The following PBX3 variants were observed in gnomAD, a reference collection of about 807,000 sequenced individuals.
The protein encoded by PBX3 is pre-B-cell leukemia transcription factor 3.
PBX3 carries 14 observed loss-of-function variants against 48.5 expected under a neutral mutation model. The observed-to-expected ratio is 0.29, with a 90% CI of 0.19 to 0.45. The LOEUF is 0.45. Ranked by LOEUF, PBX3 falls within the 20% of genes least tolerant of loss-of-function variation. PBX3 has a pLI of 1.00. For missense variants in PBX3, 386 were observed against 546.7 expected, an observed-to-expected ratio of 0.71 and a Z score of 2.93; for synonymous variants, 210 against 200.3, an observed-to-expected ratio of 1.05 and a Z score of -0.41.
In PBX3 at chr9:125,929,735, T is replaced by G; in HGVS notation, c.597T>G (p.Ile199Met). The G allele has an allele frequency of 6.2e-7, 1 of 1,613,822 alleles. No individual in the cohort carries two copies. Among genetic ancestry groups the G allele is most frequent in the Non-Finnish European group, 8.5e-7 (1 of 1,179,782 alleles). Residue 199 changes from isoleucine (I) to methionine (M), a missense_variant, in exon 4 of 9, where the codon ATT becomes ATG. Transcript: ENST00000373489. ...SRTRPISPKE[I>M]ERMVGIIHRK... Reference sequence around the variant, plus strand: ...CACGTCCCATTTCTCCAAAAGAGATTGAAAGAATGGTGGGCATCATCCATC... The same window carrying G: ...CACGTCCCATTTCTCCAAAAGAGATGGAAAGAATGGTGGGCATCATCCATC...
chr9:125,860,529 G>A (rs1159563690), intron 2 of PBX3, among the ~76,000 whole-genome samples: 2 of 152,154 alleles, frequency 1.3e-5, no homozygotes, highest in South Asian at 2.1e-4. Flanking sequence ...AGTGTAATGG[G>A]GAAATTGGGT....
At chr9:125,778,598 ATCTTT>A (rs1212536953) in intron 2 of PBX3, among the ~76,000 whole-genome samples, 14 of 92,712 alleles carry the variant, frequency 1.5e-4, no homozygotes, top group South Asian at 1.2e-3. Flanking sequence ...AATTTTGTTG[ATCTTT>A]TCTTTTTTTT....
rs183581875 is a variant in PBX3 at position 125,796,896 on chromosome 9, A to C, written c.274+48273A>C. On this transcript the variant is annotated intron_variant, in intron 2 of 8. Coordinates refer to ENST00000373489, the MANE Select transcript of PBX3 (RefSeq NM_006195.6). ...CACACATATTTCCTAATTTGCACCA[A>C]TGCCCTCTTATATTTAGATTTATCA... 2.0e-5 allele frequency among the ~76,000 whole-genome samples: 3 copies of C among 152,186 alleles called. No individual in the cohort carries two copies. In the East Asian group the frequency reaches 5.8e-4, roughly 29 times the overall value.
intron 2 of PBX3, among the ~76,000 whole-genome samples, chr9:125,821,901 TTTAA>T (rs2132161306): frequency 6.6e-6 from 1 of 152,226 alleles, no homozygotes; most frequent in South Asian, 2.1e-4. Context: ...GAGGAAGGCT[TTTAA>T]TTAATGATAT....
chr9:125,853,983 T>TACAC (rs1196622138), intron 2 of PBX3, among the ~76,000 whole-genome samples: 1 of 99,610 alleles, frequency 1.0e-5, no homozygotes, highest in African/African-American at 3.6e-5. Context: ...TTGGCTGCTG[T>TACAC]ATACACACAC....
chr9:125,853,423 A>G (rs1250187945), intron 2 of PBX3, among the ~76,000 whole-genome samples: 1 of 152,158 alleles, frequency 6.6e-6, no homozygotes, highest in African/African-American at 2.4e-5. Flanking sequence ...AAAAATGTAG[A>G]TAATACCTGT....
chr9:125,915,662 G>GTCTC, intron 2 of PBX3, 24 bp from the exon 3 acceptor site: 1 of 1,553,574 alleles, frequency 6.4e-7, no homozygotes. Context: ...TTCTCTCTCT[G>GTCTC]TCTCTCTCTC....
intron 3 of PBX3, among the ~76,000 whole-genome samples, chr9:125,920,614 A>G (rs1223066529): frequency 2.0e-5 from 3 of 152,264 alleles, no homozygotes; most frequent in African/African-American, 7.2e-5. Context: ...TACAGCTGCT[A>G]TAATAGAGAT....
intron 2 of PBX3, among the ~76,000 whole-genome samples, chr9:125,753,963 C>T (rs1326782914): frequency 6.6e-6 from 1 of 151,982 alleles, no homozygotes; most frequent in Non-Finnish European, 1.5e-5. Flanking sequence ...TTTATAGTGG[C>T]ATGGTATAGG....
At chr9:125,908,357 A>C (rs1293612857) in intron 2 of PBX3, among the ~76,000 whole-genome samples, 1 of 152,092 alleles carries the variant, frequency 6.6e-6, no homozygotes, top group Non-Finnish European at 1.5e-5. Flanking sequence ...TTAACTGACA[A>C]GACAGGAAAT....
intron 6 of PBX3, among the ~76,000 whole-genome samples, chr9:125,961,883 A>G (rs1255337032): frequency 2.0e-5 from 3 of 151,854 alleles, no homozygotes; most frequent in African/African-American, 7.3e-5. Flanking sequence ...TTTGTTTTTT[A>G]AGTTTGGGCT....
chr9:125,897,478 A>G (rs766087956), intron 2 of PBX3, among the ~76,000 whole-genome samples: 9 of 151,864 alleles, frequency 5.9e-5, no homozygotes, highest in Non-Finnish European at 8.8e-5. Flanking sequence ...TGGATTCTCA[A>G]AATTATCACT....
intron 2 of PBX3, among the ~76,000 whole-genome samples, chr9:125,877,928 T>G (rs1840294821): frequency 6.6e-6 from 1 of 152,228 alleles, no homozygotes; most frequent in Admixed American, 6.5e-5. Context: ...CTTTGGTTAT[T>G]AAATTGTTTT....
At chr9:125,877,040 G>C (rs940654995) in intron 2 of PBX3, among the ~76,000 whole-genome samples, 2 of 151,878 alleles carry the variant, frequency 1.3e-5, no homozygotes, top group African/African-American at 2.4e-5. Context: ...CCAAAGTGTT[G>C]GGATTACAGG....
intron 2 of PBX3, among the ~76,000 whole-genome samples, chr9:125,829,678 A>G (rs73667093): frequency 0.039 from 5,927 of 152,152 alleles, 405 homozygotes; most frequent in African/African-American, 0.13. Context: ...CCTTAAATTA[A>G]AAAAAATGAG....
intron 2 of PBX3, among the ~76,000 whole-genome samples, chr9:125,803,655 G>A (rs1192228966): frequency 6.6e-6 from 1 of 152,118 alleles, no homozygotes; most frequent in Non-Finnish European, 1.5e-5. Context: ...CAAGAATGAT[G>A]CTTTGTCCTC....
At chr9:125,960,167 A>T (rs1383764975) in intron 5 of PBX3, among the ~76,000 whole-genome samples, 1 of 152,262 alleles carries the variant, frequency 6.6e-6, no homozygotes, top group African/African-American at 2.4e-5. Context: ...CTTGGCAGAC[A>T]TGCAGTATTT....
At chr9:125,848,300 C>T (rs563165991) in intron 2 of PBX3, among the ~76,000 whole-genome samples, 1 of 152,134 alleles carries the variant, frequency 6.6e-6, no homozygotes, top group Non-Finnish European at 1.5e-5. Flanking sequence ...CAGTCTTCCA[C>T]ATTTTAGTTT....
intron 2 of PBX3, among the ~76,000 whole-genome samples, chr9:125,889,125 C>T (rs925855075): frequency 1.3e-5 from 2 of 152,196 alleles, no homozygotes; most frequent in African/African-American, 2.4e-5. Flanking sequence ...CACCAGACAC[C>T]TTATTGCAAG....
Sources: allele counts gnomAD v4.1 joint callset (sites outside exome capture counted in the v4.1 genomes callset), GRCh38; gene constraint gnomAD v4.1.1; transcripts MANE v1.5; gene names NCBI Gene and HGNC (gene_info 2026-07-23, HGNC 2026-07-21).